Variants in TAFA2 observed in about 807,000 individuals in gnomAD.
TAFA2 encodes the protein TAFA chemokine like family member 2.
A neutral mutation model predicts 18.8 loss-of-function variants in TAFA2; 7 were observed. The observed-to-expected ratio is 0.37, with a 90% CI of 0.21 to 0.70. TAFA2 has a LOEUF of 0.70. TAFA2 is among the 30% of genes least tolerant of loss of function. The pLI is 0.53. For synonymous variants in TAFA2, 60 were observed against 54.2 expected (o/e 1.11, Z -0.47); for missense variants, 122 against 158.1 (o/e 0.77, Z 1.23).
At chr12:62,011,583 C>G (rs1340375526) in intron 1 of TAFA2, among the ~76,000 whole-genome samples, 1 of 152,012 alleles carries the variant, frequency 6.6e-6, no homozygotes, top group African/African-American at 2.4e-5. Flanking sequence ...ACTCCCTAAT[C>G]TCAAGTACCC....
intron 4 of TAFA2, among the ~76,000 whole-genome samples, chr12:61,733,275 A>G (rs1449994388): frequency 6.6e-6 from 1 of 151,920 alleles, no homozygotes; most frequent in African/African-American, 2.4e-5. Flanking sequence ...TCTTTAGTTT[A>G]ATTAGATCCC....
chr12:61,728,854 A>T (rs981129081), intron 4 of TAFA2, among the ~76,000 whole-genome samples: 2 of 151,794 alleles, frequency 1.3e-5, no homozygotes, highest in South Asian at 4.2e-4. Flanking sequence ...TTTATGCTTT[A>T]AAAAGTTTCT....
intron 1 of TAFA2, among the ~76,000 whole-genome samples, chr12:62,017,921 G>A (rs1880993629): frequency 6.6e-6 from 1 of 152,160 alleles, no homozygotes; most frequent in South Asian, 2.1e-4. Flanking sequence ...GGAAACAAAT[G>A]ATCAATAATG....
chr12:61,883,338 G>A (rs1042073685), intron 1 of TAFA2, among the ~76,000 whole-genome samples: 1 of 152,182 alleles, frequency 6.6e-6, no homozygotes, highest in Non-Finnish European at 1.5e-5. Context: ...TACTACACAT[G>A]TGTCATTGGA....
intron 1 of TAFA2, among the ~76,000 whole-genome samples, chr12:62,090,681 T>C (rs980574490): frequency 6.6e-6 from 1 of 151,528 alleles, no homozygotes; most frequent in Non-Finnish European, 1.5e-5. Flanking sequence ...GATTATTCCC[T>C]TTTTGTTCTT....
At chr12:61,722,055 A>T (rs12369048) in intron 4 of TAFA2, among the ~76,000 whole-genome samples, 42,968 of 152,090 alleles carry the variant, frequency 0.28, 6,768 homozygotes, top group South Asian at 0.38. Flanking sequence ...ATAATTCAGT[A>T]GTTGAGAGGA....
At chr12:61,844,520 CTTAG>C (rs1277710360) in intron 2 of TAFA2, among the ~76,000 whole-genome samples, 1 of 151,974 alleles carries the variant, frequency 6.6e-6, no homozygotes, top group Non-Finnish European at 1.5e-5. Flanking sequence ...AGATTAAGGT[CTTAG>C]TTATTTAGGC....
chr12:62,167,633 A>T (rs949824089), intron 1 of TAFA2, among the ~76,000 whole-genome samples: 1 of 152,204 alleles, frequency 6.6e-6, no homozygotes, highest in Non-Finnish European at 1.5e-5. Flanking sequence ...TTTATCTTTA[A>T]AAGTTCACAT....
intron 1 of TAFA2, among the ~76,000 whole-genome samples, chr12:61,937,128 TA>T (rs1565687844): frequency 6.6e-6 from 1 of 152,040 alleles, no homozygotes; most frequent in African/African-American, 2.4e-5. Context: ...TACAAGGAAC[TA>T]AAAAACACTG....
chr12:61,748,223 A>G (rs1868827050), intron 4 of TAFA2, among the ~76,000 whole-genome samples: 1 of 152,112 alleles, frequency 6.6e-6, no homozygotes, highest in African/African-American at 2.4e-5. Context: ...TGTAGCATAC[A>G]TGAGTGTGCA....
chr12:62,120,308 G>GA (rs1488373322), intron 1 of TAFA2, among the ~76,000 whole-genome samples: 1 of 152,108 alleles, frequency 6.6e-6, no homozygotes, highest in East Asian at 1.9e-4. Context: ...CACGTAAGAG[G>GA]ATATGGCATT....
intron 1 of TAFA2, among the ~76,000 whole-genome samples, chr12:61,930,361 C>A (rs1265885076): frequency 6.6e-6 from 1 of 152,126 alleles, no homozygotes; most frequent in East Asian, 1.9e-4. Context: ...AAGTTTACAT[C>A]TTTGTACTCC....
intron 2 of TAFA2, among the ~76,000 whole-genome samples, chr12:61,787,703 C>T (rs1021361389): frequency 2.0e-5 from 3 of 151,266 alleles, no homozygotes; most frequent in African/African-American, 7.3e-5. Flanking sequence ...CCAACAGACA[C>T]ACAAATAAGA....
intron 1 of TAFA2, among the ~76,000 whole-genome samples, chr12:62,049,513 A>T (rs1046297153): frequency 6.6e-6 from 1 of 152,220 alleles, no homozygotes; most frequent in African/African-American, 2.4e-5. Flanking sequence ...GAACAAGCAC[A>T]TAGTGGGGAG....
chr12:62,046,732 G>A (rs1881918387), intron 1 of TAFA2, among the ~76,000 whole-genome samples: 1 of 151,584 alleles, frequency 6.6e-6, no homozygotes, highest in African/African-American at 2.4e-5. Context: ...AGCGTCCATA[G>A]ATGAATAACT....
At chr12:62,251,592 A>T (rs967052160) in intron 1 of TAFA2, among the ~76,000 whole-genome samples, 4 of 152,188 alleles carry the variant, frequency 2.6e-5, no homozygotes, top group Non-Finnish European at 5.9e-5. Flanking sequence ...TGCTCTCAGG[A>T]TCAACACTTG....
At chr12:61,943,337 C>T (rs1019636194) in intron 1 of TAFA2, among the ~76,000 whole-genome samples, 11 of 150,884 alleles carry the variant, frequency 7.3e-5, no homozygotes, top group East Asian at 5.9e-4. Context: ...CGGTACCAGC[C>T]GCTGCAAAAT....
intron 1 of TAFA2, among the ~76,000 whole-genome samples, chr12:61,965,485 T>A (rs565370068): frequency 6.6e-6 from 1 of 151,902 alleles, no homozygotes; most frequent in Non-Finnish European, 1.5e-5. Context: ...TACTTAAGAA[T>A]CTGTGCGAGT....
At chr12:61,963,681 C>A (rs1455427064) in intron 1 of TAFA2, among the ~76,000 whole-genome samples, 3 of 151,840 alleles carry the variant, frequency 2.0e-5, no homozygotes, top group East Asian at 3.9e-4. Flanking sequence ...TCGATGCTAT[C>A]CCCATCAAGC....
Sources: gnomAD v4.1 joint callset for allele counts (sites outside exome capture counted in the v4.1 genomes callset) on GRCh38, gnomAD v4.1.1 for gene constraint, MANE v1.5 for transcripts, NCBI Gene and HGNC (gene_info 2026-07-23, HGNC 2026-07-21) for gene names.